Variants in MAMDC2 observed in about 807,000 individuals in gnomAD.
The protein encoded by MAMDC2 is MAM domain-containing protein 2.
A neutral mutation model predicts 89.8 loss-of-function variants in MAMDC2; 57 were observed. The observed-to-expected ratio is 0.63, with a 90% CI of 0.51 to 0.79. The LOEUF (loss-of-function observed/expected upper bound fraction) is 0.79, where lower values mean the gene tolerates loss of function less well. Among genes scored for constraint, MAMDC2 ranks in the 30% least tolerant of loss-of-function variants. The pLI is 0.00. For missense variants in MAMDC2, 800 were observed against 820.6 expected, an observed-to-expected ratio of 0.97 and a Z score of 0.31; for synonymous variants, 313 against 293.4, an observed-to-expected ratio of 1.07 and a Z score of -0.68.
intron 9 of MAMDC2, 43 bp downstream of exon 9, chr9:70,143,862 G>A (rs2031309461): frequency 6.3e-7 from 1 of 1,598,456 alleles, no homozygotes; most frequent in Non-Finnish European, 8.5e-7. Context: ...TTCAGTTGCT[G>A]GACTAGTTTT....
chr9:70,150,822 C>CGGAA (rs1015330006), intron 9 of MAMDC2, among the ~76,000 whole-genome samples: 48 of 152,272 alleles, frequency 3.2e-4, no homozygotes, highest in African/African-American at 1.1e-3. Context: ...TCTTCTCTTC[C>CGGAA]ATCTTACTCT....
chr9:70,064,413 A>C (rs1827218011), intron 2 of MAMDC2, among the ~76,000 whole-genome samples: 1 of 152,192 alleles, frequency 6.6e-6, no homozygotes, highest in South Asian at 2.1e-4. Context: ...TACAATGTTC[A>C]GTTTTCCATT....
intron 2 of MAMDC2, among the ~76,000 whole-genome samples, chr9:70,094,665 C>A (rs1827983898): frequency 6.6e-6 from 1 of 151,868 alleles, no homozygotes; most frequent in African/African-American, 2.4e-5. Flanking sequence ...CATGATAAAA[C>A]AAGACTACCA....
intron 9 of MAMDC2, among the ~76,000 whole-genome samples, chr9:70,158,258 A>G (rs1252783643): frequency 1.3e-5 from 2 of 152,172 alleles, no homozygotes; most frequent in Non-Finnish European, 2.9e-5. Flanking sequence ...AGCCAAAGAA[A>G]TCTTAAAAGT....
chr9:70,187,452 G>A (rs2032782117), intron 11 of MAMDC2, among the ~76,000 whole-genome samples: 1 of 151,800 alleles, frequency 6.6e-6, no homozygotes, highest in Non-Finnish European at 1.5e-5. Flanking sequence ...AAATAGTTTT[G>A]AGATGGAATT....
chr9:70,185,109 T>C (rs1169952382), intron 11 of MAMDC2, among the ~76,000 whole-genome samples: 1 of 152,242 alleles, frequency 6.6e-6, no homozygotes, highest in African/African-American at 2.4e-5. Context: ...GTTTTCTGTC[T>C]GTTAGTTTTT....
chr9:70,186,404 T>C (rs888637886), intron 11 of MAMDC2, among the ~76,000 whole-genome samples: 1 of 152,186 alleles, frequency 6.6e-6, no homozygotes. Flanking sequence ...ATTTGAAGGA[T>C]AGTTTTTCTG....
At chr9:70,213,916 C>A (rs1413168085) in intron 11 of MAMDC2, among the ~76,000 whole-genome samples, 1 of 152,174 alleles carries the variant, frequency 6.6e-6, no homozygotes, top group Non-Finnish European at 1.5e-5. Flanking sequence ...GAACTTCACA[C>A]ATTTGGAGTG....
intron 2 of MAMDC2, among the ~76,000 whole-genome samples, chr9:70,077,415 G>C (rs1827556643): frequency 6.6e-6 from 1 of 152,210 alleles, no homozygotes; most frequent in Non-Finnish European, 1.5e-5. Context: ...GAAATGTTGG[G>C]TACCTGGGCT....
intron 2 of MAMDC2, among the ~76,000 whole-genome samples, chr9:70,051,556 C>T (rs1826895180): frequency 6.6e-6 from 1 of 152,180 alleles, no homozygotes; most frequent in African/African-American, 2.4e-5. Context: ...AACAGAACCT[C>T]TTTGGTAGAT....
intron 11 of MAMDC2, among the ~76,000 whole-genome samples, chr9:70,206,782 T>A (rs575459199): frequency 3.9e-5 from 6 of 152,184 alleles, no homozygotes; most frequent in African/African-American, 9.6e-5. Flanking sequence ...TTCCTCTCTC[T>A]CCCCACCCCA....
chr9:70,207,730 G>C (rs2033256832), intron 11 of MAMDC2, among the ~76,000 whole-genome samples: 1 of 152,172 alleles, frequency 6.6e-6, no homozygotes, highest in South Asian at 2.1e-4. Context: ...GAATGGTATT[G>C]CCTAGGTTTT....
chr9:70,225,645 T>A, intron 12 of MAMDC2, 105 bp from the exon 13 acceptor site: 1 of 658,848 alleles, frequency 1.5e-6, no homozygotes, highest in South Asian at 2.3e-5. Flanking sequence ...AAAGGGATCC[T>A]CAAGAGCAAT....
chr9:70,121,938 G>A (rs1481976652), intron 5 of MAMDC2, among the ~76,000 whole-genome samples: 1 of 152,148 alleles, frequency 6.6e-6, no homozygotes, highest in Non-Finnish European at 1.5e-5. Flanking sequence ...AGAACAGATT[G>A]TATCTGATGA....
At chr9:70,155,228 C>T (rs2031717773) in intron 9 of MAMDC2, among the ~76,000 whole-genome samples, 1 of 152,120 alleles carries the variant, frequency 6.6e-6, no homozygotes, top group African/African-American at 2.4e-5. Flanking sequence ...TTTCCTCGTC[C>T]CCCATCCCAG....
rs1178470614 is a variant in MAMDC2 at position 70,044,166 on chromosome 9, C to A, written c.-32C>A. 3 of 1,613,420 alleles carry A rather than the reference C, an allele frequency of 1.9e-6. No homozygotes were observed. In the African/African-American group the frequency reaches 4.0e-5, roughly 22 times the overall value. ...GTCCCAGCGGGCTGGCAACTTGCAC[C>A]CCTTCCTAGTCATCCTCCCTGAAAC... On this transcript the variant is annotated 5_prime_UTR_variant, in exon 1 of 14. Transcript: ENST00000377182.
At chr9:70,138,392 T>C (rs1048586267) in intron 7 of MAMDC2, among the ~76,000 whole-genome samples, 3 of 152,204 alleles carry the variant, frequency 2.0e-5, no homozygotes, top group African/African-American at 4.8e-5. Context: ...CTTTTTGATA[T>C]ATTGATTTCT....
chr9:70,113,204 G>T, intron 5 of MAMDC2, 72 bp downstream of exon 5: 1 of 1,543,308 alleles, frequency 6.5e-7, no homozygotes, highest in South Asian at 1.2e-5. Context: ...TTCCTGCACT[G>T]ACCTAGCTGT....
chr9:70,079,465 A>C (rs1827607409), intron 2 of MAMDC2: 1 of 152,194 alleles, frequency 6.6e-6, no homozygotes, highest in Non-Finnish European at 1.5e-5. Flanking sequence ...GAGTATAAAC[A>C]GCCCTAGACT....
Sources: allele counts gnomAD v4.1 joint callset (sites outside exome capture counted in the v4.1 genomes callset), GRCh38; gene constraint gnomAD v4.1.1; transcripts MANE v1.5; gene names NCBI Gene and HGNC (gene_info 2026-07-23, HGNC 2026-07-21).